KDM4C: variants seen among roughly 807,000 people sequenced by gnomAD.
KDM4C encodes the protein lysine demethylase 4C.
In KDM4C, 81 loss-of-function variants were observed where a neutral mutation model predicts 129.3. The observed-to-expected ratio is 0.63, with a 90% CI of 0.52 to 0.75. The LOEUF (loss-of-function observed/expected upper bound fraction) is 0.75, where lower values mean the gene tolerates loss of function less well. Among genes scored for constraint, KDM4C ranks in the 30% least tolerant of loss-of-function variants. The pLI is 0.00. For synonymous variants in KDM4C, 573 were observed against 456.1 expected (o/e 1.26, Z -3.26); for missense variants, 1,457 against 1,304.0 (o/e 1.12, Z -1.81).
intron 2 of KDM4C, among the ~76,000 whole-genome samples, chr9:6,801,989 C>T (rs1289486746): frequency 6.6e-6 from 1 of 151,852 alleles, no homozygotes; most frequent in Non-Finnish European, 1.5e-5. Context: ...CCTGTAATCC[C>T]AGCCACTAGG....
At chr9:6,835,413 G>A (rs987072934) in intron 4 of KDM4C, 14 of 1,156,986 alleles carry the variant, frequency 1.2e-5, no homozygotes, top group African/African-American at 1.1e-4. Context: ...CCGCCCTGGC[G>A]CCCAGCACGA....
At chr9:7,013,334 C>G (rs1319320859) in intron 13 of KDM4C, among the ~76,000 whole-genome samples, 1 of 152,146 alleles carries the variant, frequency 6.6e-6, no homozygotes, top group Admixed American at 6.5e-5. Flanking sequence ...CACTTGCTTT[C>G]AAATACTGCA....
intron 1 of KDM4C, among the ~76,000 whole-genome samples, chr9:6,776,727 G>C (rs116042294): frequency 4.0e-5 from 6 of 150,450 alleles, no homozygotes; most frequent in African/African-American, 9.8e-5. Flanking sequence ...CTCAGCCTCC[G>C]AGTGGCTGGG....
intron 8 of KDM4C, among the ~76,000 whole-genome samples, chr9:6,928,150 C>G (rs1029952157): frequency 3.3e-5 from 5 of 152,184 alleles, no homozygotes; most frequent in Non-Finnish European, 7.3e-5. Context: ...TCTTCATCCT[C>G]ATGTTACTCA....
intron 8 of KDM4C, among the ~76,000 whole-genome samples, chr9:6,939,323 A>G (rs1451956481): frequency 6.6e-6 from 1 of 151,930 alleles, no homozygotes; most frequent in Non-Finnish European, 1.5e-5. Flanking sequence ...ATGCCTGATG[A>G]TCTGTCACTG....
intron 1 of KDM4C, among the ~76,000 whole-genome samples, chr9:6,784,790 G>A (rs554137092): frequency 6.6e-6 from 1 of 152,200 alleles, no homozygotes; most frequent in Non-Finnish European, 1.5e-5. Context: ...TTTCTTTGCT[G>A]TGTTGCTTTC....
intron 5 of KDM4C, among the ~76,000 whole-genome samples, chr9:6,856,468 C>T (rs750616218): frequency 6.6e-6 from 1 of 151,544 alleles, no homozygotes; most frequent in Non-Finnish European, 1.5e-5. Context: ...TTTAGAAATA[C>T]TCTTAAGTTG....
intron 8 of KDM4C, among the ~76,000 whole-genome samples, chr9:6,953,384 T>C (rs947085579): frequency 1.3e-5 from 2 of 152,252 alleles, no homozygotes; most frequent in Admixed American, 1.3e-4. Context: ...CTTTGACCTA[T>C]GGTTTGAATT....
intron 4 of KDM4C, among the ~76,000 whole-genome samples, chr9:6,833,111 G>T (rs1358266694): frequency 6.6e-6 from 1 of 151,902 alleles, no homozygotes; most frequent in Non-Finnish European, 1.5e-5. Context: ...CATGGGATAT[G>T]GCTGTTTTAG....
chr9:7,158,100 A>C (rs945324479), intron 19 of KDM4C, among the ~76,000 whole-genome samples: 2 of 152,164 alleles, frequency 1.3e-5, no homozygotes, highest in Admixed American at 1.3e-4. Context: ...CTTTGTGTCC[A>C]GGAATTTATC....
chr9:6,925,352 T>A lies in KDM4C; in HGVS notation c.921+32120T>A, dbSNP rs1822281853. The A allele has an allele frequency of 4.1e-6, 4 of 985,350 alleles. No homozygotes were observed. In the South Asian group the frequency reaches 1.9e-4, roughly 46 times the overall value. The allele number at this position is 985,350 out of a possible 1,614,324, so 61.0% of individuals were successfully genotyped here. The stretch of plus-strand genomic sequence containing the variant: ...TCAGTTGGGCGTCTTCATTTTCTTT[T>A]GGCGAAGAGAAGCTCAGTTCTCTTT... On this transcript the variant is annotated intron_variant, in intron 8 of 21. Transcript: ENST00000381309.
At chr9:6,876,208 A>G (rs931436729) in intron 5 of KDM4C, among the ~76,000 whole-genome samples, 3 of 152,212 alleles carry the variant, frequency 2.0e-5, no homozygotes, top group African/African-American at 7.2e-5. Flanking sequence ...GCAGCAAGTC[A>G]GGCTCACCTC....
chr9:7,102,428 G>A (rs1047392710), intron 17 of KDM4C, among the ~76,000 whole-genome samples: 2 of 147,584 alleles, frequency 1.4e-5, no homozygotes, highest in Admixed American at 7.1e-5. Flanking sequence ...AGAATCACTC[G>A]GGCAGCTTTG....
chr9:6,735,091 ATGCAATGAC>A (rs1817484034), intron 1 of KDM4C: 1 of 417,228 alleles, frequency 2.4e-6, no homozygotes, highest in Non-Finnish European at 4.7e-6. Flanking sequence ...CCAGCAGCCT[ATGCAATGAC>A]TGGGCAGTGC....
At chr9:7,052,776 G>A (rs778229306) in intron 17 of KDM4C, among the ~76,000 whole-genome samples, 5 of 151,998 alleles carry the variant, frequency 3.3e-5, no homozygotes, top group East Asian at 1.9e-4. Context: ...GTACCCACGA[G>A]GTGGTGCTGC....
chr9:6,983,573 G>GACACACACACACACACACACAC lies in KDM4C; in HGVS notation c.1116-574_1116-553dup, dbSNP rs56086219. Among the ~76,000 whole-genome samples the GACACACACACACACACACACAC allele has an allele frequency of 7.0e-3, 1,002 of 142,662 alleles. 8 individuals are homozygous for GACACACACACACACACACACAC. The highest frequency in any genetic ancestry group is 0.011 in the African/African-American group (416 of 37,400). 93.6% of individuals were successfully genotyped at this position (142,662 alleles called of 152,430 possible). A position where few individuals can be genotyped will look rare whatever the true frequency, so the allele number is the denominator to read the frequency against. On this transcript the variant is annotated intron_variant, in intron 9 of 21. Coordinates refer to ENST00000381309, the MANE Select transcript of KDM4C (RefSeq NM_015061.6). Reference sequence around the variant, plus strand: ...CAATATAGTGAGACAGTGTCTTTATGACACACACACACACACACACACACA... The same window carrying GACACACACACACACACACACAC: ...CAATATAGTGAGACAGTGTCTTTATGACACACACACACACACACACACACACACACACACACACACACACACA...
chr9:6,811,458 C>G (rs1198919194), intron 3 of KDM4C, among the ~76,000 whole-genome samples: 2 of 152,136 alleles, frequency 1.3e-5, no homozygotes, highest in African/African-American at 4.8e-5. Flanking sequence ...TAGCACCTGA[C>G]CTGGCATTGG....
At position 6,924,880 on chromosome 9, in the gene KDM4C, G is replaced by C. The variant is rs868832545; in HGVS notation, c.921+31648G>C. On this transcript the variant is annotated intron_variant, in intron 8 of 21. Transcript: ENST00000381309. ...TATATATTTTTTTCAATGAATATTT[G>C]GGGTGGTGGAGCATTTTGTTGGTCA... 4.1e-6 allele frequency: 4 copies of C among 984,242 alleles called. No homozygotes were observed. The African/African-American group carries it at 7.0e-5, about 17-fold the overall frequency. 61.0% of individuals were successfully genotyped at this position (984,242 alleles called of 1,614,324 possible).
intron 1 of KDM4C, among the ~76,000 whole-genome samples, chr9:6,770,710 C>CT (rs60353218): frequency 0.017 from 1,333 of 79,226 alleles, 35 homozygotes; most frequent in African/African-American, 0.057. Flanking sequence ...TTTTCAACGT[C>CT]TTTTTTTTTT....
Sources: allele counts gnomAD v4.1 joint callset (sites outside exome capture counted in the v4.1 genomes callset), GRCh38; gene constraint gnomAD v4.1.1; transcripts MANE v1.5; gene names NCBI Gene and HGNC (gene_info 2026-07-23, HGNC 2026-07-21).